The following DNMT3A variants were observed in gnomAD, a reference collection of about 807,000 sequenced individuals.
DNMT3A encodes the protein DNA (cytosine-5)-methyltransferase 3A.
A neutral mutation model predicts 117.6 loss-of-function variants in DNMT3A; 267 were observed. The ratio of observed to expected loss-of-function variants is 2.27; its 90% CI spans 2.05 to 2.51. The LOEUF (loss-of-function observed/expected upper bound fraction) is 2.51, where lower values mean the gene tolerates loss of function less well. Among genes scored for constraint, DNMT3A ranks in the 30% most tolerant of loss-of-function variants. The pLI is 0.00. For synonymous variants in DNMT3A, 432 were observed against 474.8 expected, an observed-to-expected ratio of 0.91 and a Z score of 1.17; for missense variants, 1,029 against 1,260.2, an observed-to-expected ratio of 0.82 and a Z score of 2.78.
At chr2:25,279,837 C>T (rs2031753621) in intron 4 of DNMT3A, among the ~76,000 whole-genome samples, 1 of 152,116 alleles carries the variant, frequency 6.6e-6, no homozygotes, top group Admixed American at 6.5e-5. Context: ...CAGGCATGCA[C>T]CACCAAGCTC....
chr2:25,246,346 G>A, intron 10 of DNMT3A, 37 bp from the exon 11 acceptor site: 1 of 1,567,862 alleles, frequency 6.4e-7, no homozygotes, highest in Non-Finnish European at 8.7e-7. Context: ...TCAGTTACAG[G>A]CTGACAGGAA....
intron 2 of DNMT3A, among the ~76,000 whole-genome samples, chr2:25,309,052 C>T (rs1241470910): frequency 6.6e-6 from 1 of 152,164 alleles, no homozygotes; most frequent in African/African-American, 2.4e-5. Flanking sequence ...CACAAAGATG[C>T]ACCCCAGCTG....
chr2:25,280,334 C>G (rs916174850), intron 4 of DNMT3A, among the ~76,000 whole-genome samples: 4 of 134,318 alleles, frequency 3.0e-5, no homozygotes, highest in South Asian at 2.9e-4. Flanking sequence ...CCCCACCCCC[C>G]ACCCCGGCAG....
At position 25,252,206 on chromosome 2, in the gene DNMT3A, G is replaced by C. The variant is rs1433705361; in HGVS notation, c.640-3954C>G. ...TCCAGGAACCTACCCATAAGGCCAG[G>C]TGCAGCCCCTCTGCAGTCGCGCTCA... On this transcript the variant is annotated intron_variant, in intron 6 of 22. Transcript: ENST00000321117. The surrounding 1 kb of genome is among the most constrained non-coding windows in gnomAD (Gnocchi z 5.5). 1.9e-6 allele frequency: 3 copies of C among 1,563,620 alleles called. No individual in the cohort carries two copies. Among genetic ancestry groups the C allele is most frequent in the South Asian group, 1.2e-5 (1 of 84,350 alleles).
At position 25,240,367 on chromosome 2, in the gene DNMT3A, A is replaced by C. The variant is rs1189107128; in HGVS notation, c.2257T>G (p.Trp753Gly). 6.2e-7 allele frequency: 1 copy of C among 1,614,040 alleles called. No individual in the cohort carries two copies. The highest frequency in any genetic ancestry group is 1.1e-5 in the South Asian group (1 of 91,082). ...PKEGDDRPFF[W>G]LFENVVAMGV... The stretch of plus-strand genomic sequence containing the variant: ...ATGGCCACCACATTCTCAAAGAGCC[A>C]GAAGAAGGGGCGATCATCTCCCTCC... The change falls in exon 19 of 23, where the codon TGG becomes GGG. Residue 753 changes from tryptophan (W) to glycine (G), a missense_variant. Physicochemically the swap from Trp to Gly is radical, Grantham distance 184. Transcript: ENST00000321117.
intron 2 of DNMT3A, among the ~76,000 whole-genome samples, chr2:25,303,770 C>T (rs1016282891): frequency 2.6e-5 from 4 of 152,234 alleles, no homozygotes; most frequent in Admixed American, 6.5e-5. Flanking sequence ...AAGCGGGAAG[C>T]GATGCTTCTG....
chr2:25,246,183 T>A lies in DNMT3A; in HGVS notation c.1406A>T (p.Glu469Val), dbSNP rs1294698740. ...ACCTCTTGTGCGCTCATCAATAATC[T>A]CCTTGACCTTGGGCTTCTCCGCTGT... ...KSTAEKPKVK[E>V]IIDERTRERL... The change falls in exon 11 of 23, where the codon GAG (glutamate) becomes GTG (valine). Residue 469 changes from glutamate to valine, a missense_variant. By Grantham distance (121) the Glu-to-Val change is moderately radical. Transcript: ENST00000321117. 1 of 1,613,958 alleles carries A rather than the reference T, an allele frequency of 6.2e-7. No individual in the cohort carries two copies. The highest frequency in any genetic ancestry group is 8.5e-7 in the Non-Finnish European group (1 of 1,179,966).
Position 25,244,337 on chromosome 2 carries a change from A to G in DNMT3A, c.1669T>C (p.Cys557Arg). 6.2e-7 allele frequency: 1 copy of G among 1,601,926 alleles called. No homozygotes were observed. Residue 557 changes from cysteine to arginine, a missense_variant and splice_region_variant, in exon 15 of 23, where the codon TGC becomes CGC. Physicochemically the swap from Cys to Arg is radical, Grantham distance 180. Transcript: ENST00000321117. The part of the protein sequence containing the change: ...LMCGNNNCCR[C>R]FCVECVDLLV... ...AGGTCCACACACTCCACGCAAAAGC[A>G]CCTGGAAGGAGACCCAGTGAGCAGA...
chr2:25,292,832 C>T (rs927777854), intron 3 of DNMT3A, among the ~76,000 whole-genome samples: 2 of 152,072 alleles, frequency 1.3e-5, no homozygotes, highest in African/African-American at 4.8e-5. Context: ...AGCTCTCCTC[C>T]AATGGGTGTG....
chr2:25,268,226 G>C (rs2030540509), intron 6 of DNMT3A, among the ~76,000 whole-genome samples: 2 of 152,140 alleles, frequency 1.3e-5, no homozygotes, highest in South Asian at 4.1e-4. Context: ...TGAGTCAAGG[G>C]TCCCTACCTT....
intron 19 of DNMT3A, among the ~76,000 whole-genome samples, chr2:25,239,805 C>T (rs371492785): frequency 1.4e-4 from 22 of 152,214 alleles, no homozygotes; most frequent in African/African-American, 4.1e-4. Flanking sequence ...ACGCCTCTGG[C>T]AGCAGAAGCC....
chr2:25,241,618 G>A lies in DNMT3A; in HGVS notation c.2026C>T (p.Arg676Trp), dbSNP rs375399431. ...ACGTACATGATCTTCCCCTGGTGCC[G>A]CACCATGCCCACCGTGATGGAGTCC... Reference protein sequence around the residue: ...CEDSITVGMVRHQGKIMYVGD... With the variant: ...CEDSITVGMVWHQGKIMYVGD... Residue 676 changes from arginine (R) to tryptophan (W), a missense_variant, in exon 17 of 23, where the codon CGG (arginine) becomes TGG (tryptophan). Transcript: ENST00000321117. 11 of 1,613,746 alleles carry A rather than the reference G, an allele frequency of 6.8e-6. No homozygotes were observed. Among genetic ancestry groups the A allele is most frequent in the South Asian group, 1.1e-5 (1 of 91,016 alleles).
intron 19 of DNMT3A, chr2:25,239,534 T>C (rs1673739437): frequency 1.8e-6 from 1 of 561,874 alleles, no homozygotes. Flanking sequence ...GCCAATGTGA[T>C]TGAGGAGCTG....
Position 25,311,966 on chromosome 2 carries a change from G to GAGC in DNMT3A, c.72+1944_72+1946dup, listed in dbSNP as rs1359321038. On this transcript the variant is annotated intron_variant, in intron 2 of 22. Coordinates refer to ENST00000321117, the MANE Select transcript of DNMT3A (RefSeq NM_022552.5). This position sits in a 1 kb window ranked among gnomAD's most constrained non-coding sequence, Gnocchi z 5.2. ...TGGTGGCCTGGGGCTCCGCAGCCCA[G>GAGC]AGCAGCAGCAGCGGCGTGGGAGTAC... Among the ~76,000 whole-genome samples, 3 of 152,166 alleles carry GAGC rather than the reference G, an allele frequency of 2.0e-5. No homozygotes were observed. The highest frequency in any genetic ancestry group is 4.8e-5 in the African/African-American group (2 of 41,446).
Position 25,252,146 on chromosome 2 carries a change from G to T in DNMT3A, c.640-3894C>A, listed in dbSNP as rs1337919236. On this transcript the variant is annotated intron_variant, in intron 6 of 22. Transcript: ENST00000321117. This position sits in a 1 kb window ranked among gnomAD's most constrained non-coding sequence, Gnocchi z 5.5. ...CTGCGGAGATCCTCCCACCGGCCCT[G>T]CCGCCTCCCCGCCCCCGGTCTCCCC... 2.6e-6 allele frequency: 4 copies of T among 1,547,004 alleles called. No individual in the cohort carries two copies. The highest frequency in any genetic ancestry group is 3.5e-6 in the Non-Finnish European group (4 of 1,146,612).
rs763189481 is a variant in DNMT3A at position 25,234,342 on chromosome 2, T to C, written c.2676A>G (p.Ser892=). ...GGTGGCGGATGACTGGCACGCTCCA[T>C]GACCGGCCCAGCAGTCTCTGCCTCG... ...RLARQRLLGR[S]WSVPVIRHLF... is the part of the protein sequence containing the mutation. Residue 892 remains serine, a synonymous_variant, in exon 23 of 23, where the codon TCA becomes TCG. Transcript: ENST00000321117. This position sits in a 1 kb window ranked among gnomAD's most constrained non-coding sequence, Gnocchi z 4.5. 77 of 1,614,048 alleles carry C rather than the reference T, an allele frequency of 4.8e-5. No homozygotes were observed. In the Admixed American group the frequency reaches 1.3e-3, roughly 27 times the overall value.
At chr2:25,239,256 G>A (rs1211468880) in intron 19 of DNMT3A, 41 bp from the exon 20 acceptor site, 1 of 1,572,794 alleles carries the variant, frequency 6.4e-7, no homozygotes, top group Non-Finnish European at 8.7e-7. Flanking sequence ...CCAAGGAGGA[G>A]CATGAAACAG....
chr2:25,254,426 C>A lies in DNMT3A; in HGVS notation c.640-6174G>T, dbSNP rs551372693. 1.3e-5 allele frequency among the ~76,000 whole-genome samples: 2 copies of A among 152,248 alleles called. No individual in the cohort carries two copies. The highest frequency in any genetic ancestry group is 2.1e-4 in the South Asian group (1 of 4,818). On this transcript the variant is annotated intron_variant, in intron 6 of 22. Transcript: ENST00000321117. The surrounding 1 kb of genome is among the most constrained non-coding windows in gnomAD (Gnocchi z 4.7). ...TAGAAGACTTGGGTACAGACTCCCC[C>A]CCAACCCTGAGACCCAGAATCCATA...
chr2:25,237,834 T>C lies in DNMT3A; in HGVS notation c.2409-829A>G, dbSNP rs1190726676. On this transcript the variant is annotated intron_variant, in intron 20 of 22. Coordinates refer to ENST00000321117, the MANE Select transcript of DNMT3A (RefSeq NM_022552.5). This position sits in a 1 kb window ranked among gnomAD's most constrained non-coding sequence, Gnocchi z 5.4. ...ACCAAAAATTCTGTGACATTAAATA[T>C]GTCACTTCTCAGGGTGCAGGCCACA... is the stretch of plus-strand genomic sequence containing the variant. Among the ~76,000 whole-genome samples the C allele has an allele frequency of 6.6e-6, 1 of 152,144 alleles. No homozygotes were observed. The highest frequency in any genetic ancestry group is 6.5e-5 in the Admixed American group (1 of 15,276).
Sources: allele counts gnomAD v4.1 joint callset (sites outside exome capture counted in the v4.1 genomes callset), GRCh38; gene constraint gnomAD v4.1.1; non-coding constraint Gnocchi (gnomAD v3.1); transcripts MANE v1.5; gene names NCBI Gene and HGNC (gene_info 2026-07-23, HGNC 2026-07-21).